CFAP92: variants seen among roughly 807,000 people sequenced by gnomAD.
The protein encoded by CFAP92 is uncharacterized protein CFAP92.
A neutral mutation model predicts 106.3 loss-of-function variants in CFAP92; 86 were observed. That is an observed-to-expected ratio of 0.81 (90% confidence interval 0.68 to 0.97). CFAP92 has a LOEUF of 0.97. CFAP92 is among the 50% of genes least tolerant of loss of function. The pLI is 0.00. For synonymous variants in CFAP92, 477 were observed against 506.4 expected, an observed-to-expected ratio of 0.94 and a Z score of 0.78; for missense variants, 1,204 against 1,283.8, an observed-to-expected ratio of 0.94 and a Z score of 0.95.
chr3:128,964,841 AAGC>A (rs1444534672), intron 9 of CFAP92, among the ~76,000 whole-genome samples: 1 of 152,110 alleles, frequency 6.6e-6, no homozygotes, highest in East Asian at 1.9e-4. Context: ...ATCCCGCTTG[AAGC>A]AGCCCTGAGA....
chr3:128,937,501 G>A (rs879643325), intron 10 of CFAP92, among the ~76,000 whole-genome samples: 9 of 151,974 alleles, frequency 5.9e-5, no homozygotes, highest in Non-Finnish European at 1.0e-4. Context: ...TTGGGAGGCT[G>A]AGGCAGGAGA....
chr3:128,927,084 C>G (rs1289504045), intron 12 of CFAP92, among the ~76,000 whole-genome samples: 1 of 151,952 alleles, frequency 6.6e-6, no homozygotes, highest in Non-Finnish European at 1.5e-5. Context: ...CAAAGCAAGA[C>G]TCTGTCTCAA....
chr3:128,966,337 A>G lies in CFAP92; in HGVS notation c.1169-642T>C, dbSNP rs1227853316. On this transcript the variant is annotated intron_variant, in intron 8 of 15. Transcript: ENST00000645291. ...TCCAGGCAGTTCTCCCACCAAGGAC[A>G]TATCATGCCAGTGTGTACATTTGGT... Among the ~76,000 whole-genome samples, 4 of 152,284 alleles carry G rather than the reference A, an allele frequency of 2.6e-5. No individual in the cohort carries two copies. The East Asian group carries it at 7.7e-4, about 29-fold the overall frequency.
At chr3:129,009,195 C>T in the CFAP92 span, among the ~76,000 whole-genome samples, 1 of 152,168 alleles carries the variant, frequency 6.6e-6, no homozygotes, top group Non-Finnish European at 1.5e-5. Flanking sequence ...TCTTTTCTTC[C>T]TTTCTATCAT....
intron 1 of CFAP92, 127 bp from the exon 2 acceptor site, chr3:128,993,463 G>C: frequency 1.1e-6 from 1 of 936,018 alleles, no homozygotes; most frequent in Non-Finnish European, 1.6e-6. Context: ...CTAGATGAAC[G>C]CCGGGGCTCC....
chr3:129,025,985 TGA>T, the CFAP92 span, among the ~76,000 whole-genome samples: 14 of 152,234 alleles, frequency 9.2e-5, no homozygotes, highest in Non-Finnish European at 1.3e-4. Flanking sequence ...GCCTCCCGCC[TGA>T]GTGCAGACCC....
At chr3:128,989,986 T>G (rs901089158) in intron 2 of CFAP92, among the ~76,000 whole-genome samples, 4 of 152,224 alleles carry the variant, frequency 2.6e-5, no homozygotes, top group African/African-American at 9.6e-5. Flanking sequence ...TATTAATACA[T>G]GCCTTCAATC....
At chr3:128,916,085 T>C in intron 13 of CFAP92, 22 bp downstream of exon 13, 1 of 1,232,210 alleles carries the variant, frequency 8.1e-7, no homozygotes, top group Non-Finnish European at 1.0e-6. Flanking sequence ...CCAACTGCCA[T>C]CATCCTGTCT....
intron 4 of CFAP92, among the ~76,000 whole-genome samples, chr3:128,987,303 G>A (rs1406568052): frequency 6.6e-6 from 1 of 151,310 alleles, no homozygotes; most frequent in Non-Finnish European, 1.5e-5. Flanking sequence ...CTCTAAGTTT[G>A]TTTTTTGTTT....
intron 9 of CFAP92, among the ~76,000 whole-genome samples, chr3:128,958,914 T>A (rs1941654247): frequency 6.6e-6 from 1 of 151,322 alleles, no homozygotes; most frequent in African/African-American, 2.4e-5. Context: ...AAAATTTTTT[T>A]AAAAAAGGAG....
chr3:128,910,682 A>C, intron 15 of CFAP92: 1 of 1,595,634 alleles, frequency 6.3e-7, no homozygotes, highest in South Asian at 1.1e-5. Context: ...GGGTTTTTGA[A>C]GCTCAGAGGT....
upstream of CFAP92, among the ~76,000 whole-genome samples, chr3:129,007,079 T>A (rs1945107049): frequency 6.6e-6 from 1 of 152,210 alleles, no homozygotes; most frequent in Non-Finnish European, 1.5e-5. Flanking sequence ...GCACAGCGAC[T>A]TAGTGGCAAG....
intron 9 of CFAP92, among the ~76,000 whole-genome samples, chr3:128,956,384 G>A (rs1941424354): frequency 6.6e-6 from 1 of 151,724 alleles, no homozygotes; most frequent in Non-Finnish European, 1.5e-5. Flanking sequence ...GAAAAAAGGT[G>A]GTGCTGAAAA....
intron 10 of CFAP92, among the ~76,000 whole-genome samples, chr3:128,937,774 G>T (rs1298233972): frequency 6.6e-6 from 1 of 151,896 alleles, no homozygotes; most frequent in Non-Finnish European, 1.5e-5. Flanking sequence ...AAAGTTAAAA[G>T]TTTAGGCCAG....
At chr3:128,979,761 C>G (rs936842040) in intron 4 of CFAP92, among the ~76,000 whole-genome samples, 16 of 151,414 alleles carry the variant, frequency 1.1e-4, no homozygotes, top group African/African-American at 3.9e-4. Flanking sequence ...AACACTTGGA[C>G]CCAAGAAGGG....
chr3:128,937,836 G>T (rs1939203904), intron 10 of CFAP92, among the ~76,000 whole-genome samples: 1 of 152,120 alleles, frequency 6.6e-6, no homozygotes, highest in Non-Finnish European at 1.5e-5. Flanking sequence ...TGAGAGGCAG[G>T]TGGATCACCT....
At position 128,935,270 on chromosome 3, in the gene CFAP92, G is replaced by T; in HGVS notation, c.2308C>A (p.Leu770Met). ...RKYKVLYNSQ[L>M]LFRSRLYGDL... ...CCATAGAGCCGGCTGCGGAACAGCA[G>T]CTGTGAGTTGTACAGCACCTTGTAT... The change falls in exon 11 of 16, where the codon CTG becomes ATG. Residue 770 changes from leucine (L) to methionine (M), a missense_variant. Physicochemically the swap from Leu to Met is conservative, Grantham distance 15. Coordinates refer to ENST00000645291, the MANE Select transcript of CFAP92 (RefSeq NM_001394090.1). 2.0e-6 allele frequency: 3 copies of T among 1,535,888 alleles called. No homozygotes were observed. The highest frequency in any genetic ancestry group is 1.7e-4 in the Middle Eastern group (1 of 5,990).
intron 15 of CFAP92, chr3:128,913,246 C>G (rs1936542413): frequency 5.5e-6 from 2 of 361,606 alleles, no homozygotes; most frequent in Admixed American, 7.2e-5. Flanking sequence ...GCCCAGAATG[C>G]TAAGGAGCAG....
upstream of CFAP92, among the ~76,000 whole-genome samples, chr3:129,004,240 A>G (rs1944957910): frequency 1.3e-5 from 2 of 152,090 alleles, no homozygotes; most frequent in South Asian, 4.1e-4. Flanking sequence ...CCATTTCTTA[A>G]GTTATAAGTC....
Sources: gnomAD v4.1 joint callset for allele counts (sites outside exome capture counted in the v4.1 genomes callset) on GRCh38, gnomAD v4.1.1 for gene constraint, MANE v1.5 for transcripts, NCBI Gene and HGNC (gene_info 2026-07-23, HGNC 2026-07-21) for gene names.